The following NFIB variants were observed in gnomAD, a reference collection of about 807,000 sequenced individuals.
NFIB encodes nuclear factor 1 B-type.
A neutral mutation model predicts 61.5 loss-of-function variants in NFIB; 11 were observed. The ratio of observed to expected loss-of-function variants is 0.18; its 90% CI spans 0.11 to 0.30. NFIB has a LOEUF of 0.30. Among genes scored for constraint, NFIB ranks in the 10% least tolerant of loss-of-function variants. The pLI, the probability that NFIB is intolerant of heterozygous loss-of-function variation, is 1.00. For missense variants in NFIB, 471 were observed against 608.9 expected (o/e 0.77, Z 2.38); for synonymous variants, 260 against 216.5 (o/e 1.20, Z -1.76).
the NFIB span, among the ~76,000 whole-genome samples, chr9:14,482,098 C>T: frequency 6.9e-6 from 1 of 144,852 alleles, no homozygotes; most frequent in African/African-American, 2.6e-5. Flanking sequence ...ACCACCAGAC[C>T]TTCCTGAAAT....
the NFIB span, among the ~76,000 whole-genome samples, chr9:14,482,691 T>C: frequency 6.6e-6 from 1 of 152,208 alleles, no homozygotes; most frequent in Non-Finnish European, 1.5e-5. Flanking sequence ...AAATATGCCA[T>C]TTCTCCCAAA....
intron 10 of NFIB, chr9:14,102,550 G>C (rs2035933708): frequency 6.6e-7 from 1 of 1,507,182 alleles, no homozygotes; most frequent in Non-Finnish European, 9.0e-7. Context: ...GGATCGAGCA[G>C]TACTACAGTT....
chr9:14,225,696 G>A (rs932135601), intron 2 of NFIB, among the ~76,000 whole-genome samples: 2 of 151,884 alleles, frequency 1.3e-5, no homozygotes, highest in South Asian at 4.2e-4. Flanking sequence ...CATAGGCATG[G>A]GGCTTAAAGG....
chr9:14,490,652 T>C, the NFIB span, among the ~76,000 whole-genome samples: 23 of 152,126 alleles, frequency 1.5e-4, no homozygotes, highest in African/African-American at 5.6e-4. Context: ...TGAACAAGCA[T>C]TTCACAGCAG....
the NFIB span, among the ~76,000 whole-genome samples, chr9:14,511,280 GCTT>G: frequency 6.8e-4 from 103 of 151,834 alleles, no homozygotes; most frequent in African/African-American, 2.4e-3. Context: ...TATGTTTATT[GCTT>G]CTTTAAATTT....
intron 2 of NFIB, among the ~76,000 whole-genome samples, chr9:14,283,115 T>C (rs2058487769): frequency 6.6e-6 from 1 of 152,094 alleles, no homozygotes; most frequent in African/African-American, 2.4e-5. Flanking sequence ...AAATATCAAA[T>C]CCAGAGATTA....
At chr9:14,505,097 T>A in the NFIB span, among the ~76,000 whole-genome samples, 1 of 152,216 alleles carries the variant, frequency 6.6e-6, no homozygotes, top group African/African-American at 2.4e-5. Flanking sequence ...ATCACGTGAT[T>A]TTTGCGTTTA....
At chr9:14,374,685 G>C (rs890479241) in intron 1 of NFIB, among the ~76,000 whole-genome samples, 1 of 152,226 alleles carries the variant, frequency 6.6e-6, no homozygotes, top group Non-Finnish European at 1.5e-5. Context: ...TGAAGCGGGT[G>C]GATCACTTGC....
chr9:14,411,308 T>A, the NFIB span, among the ~76,000 whole-genome samples: 1 of 152,216 alleles, frequency 6.6e-6, no homozygotes, highest in African/African-American at 2.4e-5. Context: ...GCACCAGTAA[T>A]AATGATACAA....
intron 2 of NFIB, among the ~76,000 whole-genome samples, chr9:14,230,518 G>C (rs1415445641): frequency 6.6e-6 from 1 of 152,120 alleles, no homozygotes; most frequent in African/African-American, 2.4e-5. Context: ...CAGAGATATA[G>C]TCTATATCCA....
Position 14,189,179 on chromosome 9 carries a change from C to T in NFIB, c.563-9399G>A, listed in dbSNP as rs181014283. On this transcript the variant is annotated intron_variant, in intron 2 of 10. Coordinates refer to ENST00000380953, the MANE Select transcript of NFIB (RefSeq NM_001190737.2). ...ATACAACACTCCTGTGTACACATGG[C>T]CCCTCTGTGCTATGTCACTTCATGT... Among the ~76,000 whole-genome samples the T allele has an allele frequency of 9.8e-5, 15 of 152,298 alleles. No homozygotes were observed. The East Asian group carries it at 1.9e-3, about 20-fold the overall frequency.
chr9:14,452,008 G>C, the NFIB span, among the ~76,000 whole-genome samples: 1 of 152,110 alleles, frequency 6.6e-6, no homozygotes, highest in Non-Finnish European at 1.5e-5. Context: ...ATCAATACAA[G>C]TTAATCCGGG....
intron 2 of NFIB, among the ~76,000 whole-genome samples, chr9:14,211,755 C>T (rs898665210): frequency 1.3e-5 from 2 of 152,130 alleles, no homozygotes; most frequent in Admixed American, 1.3e-4. Flanking sequence ...TCAGCCCTCT[C>T]GTAGACTCCA....
chr9:14,187,962 G>C (rs2047561715), intron 2 of NFIB, among the ~76,000 whole-genome samples: 1 of 152,016 alleles, frequency 6.6e-6, no homozygotes, highest in Non-Finnish European at 1.5e-5. Flanking sequence ...CACAACAATG[G>C]GAAGCTAGGA....
chr9:14,393,413 T>C (rs192983724), intron 1 of NFIB, among the ~76,000 whole-genome samples: 418 of 152,286 alleles, frequency 2.7e-3, no homozygotes, highest in Non-Finnish European at 4.1e-3. Flanking sequence ...CCAACTCAGA[T>C]TGGAAGTCGT....
intron 2 of NFIB, among the ~76,000 whole-genome samples, chr9:14,238,434 C>A (rs1342793413): frequency 6.6e-6 from 1 of 152,126 alleles, no homozygotes; most frequent in African/African-American, 2.4e-5. Context: ...GCATTAAAAG[C>A]AGTTGATGCT....
the NFIB span, among the ~76,000 whole-genome samples, chr9:14,409,268 T>G: frequency 1.3e-5 from 2 of 152,202 alleles, no homozygotes; most frequent in African/African-American, 4.8e-5. Context: ...AATTTAATTT[T>G]TAATAATGGC....
chr9:14,169,516 T>C (rs1157373652), intron 3 of NFIB, among the ~76,000 whole-genome samples: 2 of 152,120 alleles, frequency 1.3e-5, no homozygotes, highest in Non-Finnish European at 2.9e-5. Context: ...AATGACATTA[T>C]CAAGCAAAAG....
rs141302280 is a variant in NFIB, at chr9:14,120,677, T to C, written c.1061-53A>G. ...ACTCATCAGCTGGTTACCTTATTGC[T>C]CCATTCTGATCCTGAAGAATGCTGT... On this transcript the variant is annotated intron_variant, in intron 7 of 10. Coordinates refer to ENST00000380953, the MANE Select transcript of NFIB (RefSeq NM_001190737.2). This position sits in a 1 kb window ranked among gnomAD's most constrained non-coding sequence, Gnocchi z 4.4. The C allele has an allele frequency of 6.0e-5, 90 of 1,489,934 alleles. No individual in the cohort carries two copies. In the East Asian group the frequency reaches 2.0e-3, roughly 33 times the overall value. 92.3% of individuals were successfully genotyped at this position (1,489,934 alleles called of 1,614,324 possible). A position where few individuals can be genotyped will look rare whatever the true frequency, so the allele number is the denominator to read the frequency against.
Sources: allele counts gnomAD v4.1 joint callset (sites outside exome capture counted in the v4.1 genomes callset), GRCh38; gene constraint gnomAD v4.1.1; non-coding constraint Gnocchi (gnomAD v3.1); transcripts MANE v1.5; gene names NCBI Gene and HGNC (gene_info 2026-07-23, HGNC 2026-07-21).